Variants in HLCS observed in about 807,000 individuals in gnomAD.
The protein encoded by HLCS is biotin--protein ligase.
In HLCS, 53 loss-of-function variants were observed where a neutral mutation model predicts 75.0. That is an observed-to-expected ratio of 0.71 (90% CI 0.57 to 0.89). The LOEUF is 0.89. Ranked by LOEUF, HLCS falls within the 40% of genes least tolerant of loss-of-function variation. The pLI, the probability that HLCS is intolerant of heterozygous loss-of-function variation, is 0.00. For synonymous variants in HLCS, 431 were observed against 428.6 expected (o/e 1.01, Z -0.07); for missense variants, 966 against 1,074.0 (o/e 0.90, Z 1.41).
At chr21:36,789,958 A>G (rs1207103443) in intron 6 of HLCS, among the ~76,000 whole-genome samples, 13 of 152,226 alleles carry the variant, frequency 8.5e-5, no homozygotes, top group Admixed American at 3.9e-4. Flanking sequence ...AGTGGTATCA[A>G]TGGGTCAAGG....
intron 6 of HLCS, among the ~76,000 whole-genome samples, chr21:36,807,003 T>C (rs180672234): frequency 6.6e-6 from 1 of 152,322 alleles, no homozygotes; most frequent in African/African-American, 2.4e-5. Context: ...TGCTAATCTT[T>C]TGCCATGGGG....
In HLCS at chr21:36,804,746, T is replaced by G. The variant is rs907346380; in HGVS notation, c.1893-37461A>C. On this transcript the variant is annotated intron_variant, in intron 6 of 10. Coordinates refer to ENST00000674895, the MANE Select transcript of HLCS (RefSeq NM_001352514.2). ...TTGTATTTATTTGCTATTTACTAAC[T>G]GCTGCCATAGTAGATGGCGTTTCTA... Among the ~76,000 whole-genome samples the G allele has an allele frequency of 2.6e-5, 4 of 152,360 alleles. No homozygotes were observed. In the East Asian group the frequency reaches 7.7e-4, roughly 29 times the overall value.
At chr21:36,766,225 A>G (rs2090026800) in intron 7 of HLCS, among the ~76,000 whole-genome samples, 1 of 151,440 alleles carries the variant, frequency 6.6e-6, no homozygotes, top group African/African-American at 2.4e-5. Context: ...GGTCTTGCTA[A>G]GTTGTCCCAG....
chr21:36,921,826 C>T (rs866358019), intron 5 of HLCS, among the ~76,000 whole-genome samples: 4 of 152,110 alleles, frequency 2.6e-5, no homozygotes, highest in East Asian at 1.9e-4. Context: ...CTGTGAACCT[C>T]GTGTCAAGGG....
intron 6 of HLCS, among the ~76,000 whole-genome samples, chr21:36,856,286 C>T (rs534239481): frequency 3.9e-5 from 6 of 152,098 alleles, no homozygotes; most frequent in African/African-American, 9.7e-5. Context: ...GGTTGAAAAG[C>T]GCTACTCCAG....
At chr21:36,756,786 G>A in intron 9 of HLCS, 31 bp from the exon 10 acceptor site, 3 of 1,613,426 alleles carry the variant, frequency 1.9e-6, no homozygotes, top group Non-Finnish European at 2.5e-6. Flanking sequence ...GAGCAGCTCA[G>A]CCTGTTGATG....
chr21:36,778,072 C>G (rs1446150230), intron 6 of HLCS, among the ~76,000 whole-genome samples: 1 of 152,008 alleles, frequency 6.6e-6, no homozygotes, highest in Admixed American at 6.5e-5. Flanking sequence ...GGGTTCACAC[C>G]ATTCTCCTGC....
At chr21:36,778,405 G>A (rs896772184) in intron 6 of HLCS, among the ~76,000 whole-genome samples, 4 of 152,002 alleles carry the variant, frequency 2.6e-5, no homozygotes, top group East Asian at 1.9e-4. Context: ...ACAGCCTCCC[G>A]AGTAGCTGGG....
chr21:36,928,127 C>G (rs1453494218), intron 5 of HLCS, among the ~76,000 whole-genome samples: 4 of 152,146 alleles, frequency 2.6e-5, no homozygotes, highest in Non-Finnish European at 5.9e-5. Flanking sequence ...CAGCTGCCTC[C>G]GGAAAGACCA....
At chr21:36,800,740 C>A (rs1162346550) in intron 6 of HLCS, among the ~76,000 whole-genome samples, 1 of 152,166 alleles carries the variant, frequency 6.6e-6, no homozygotes, top group African/African-American at 2.4e-5. Context: ...GTTTGCTTCA[C>A]TTCAAGTAAA....
chr21:36,955,252 C>T (rs551102250), intron 2 of HLCS, among the ~76,000 whole-genome samples: 1 of 152,258 alleles, frequency 6.6e-6, no homozygotes, highest in South Asian at 2.1e-4. Context: ...GCAGCCTAGA[C>T]TAATGTGTGT....
Position 36,835,136 on chromosome 21 carries a change from G to A in HLCS, c.1892+61724C>T, listed in dbSNP as rs536183889. On this transcript the variant is annotated intron_variant, in intron 6 of 10. Transcript: ENST00000674895. Reference sequence around the variant, plus strand: ...GCCATTTCTAGCAGAGCAGGCAACTGCTTCTAAGATTTAAAGTAAATGGGG... The same window carrying A: ...GCCATTTCTAGCAGAGCAGGCAACTACTTCTAAGATTTAAAGTAAATGGGG... Among the ~76,000 whole-genome samples the A allele has an allele frequency of 2.0e-5, 3 of 152,300 alleles. No individual in the cohort carries two copies. In the South Asian group the frequency reaches 6.2e-4, roughly 32 times the overall value.
intron 2 of HLCS, among the ~76,000 whole-genome samples, chr21:36,940,232 C>T (rs558764027): frequency 1.1e-4 from 17 of 152,150 alleles, no homozygotes; most frequent in Non-Finnish European, 2.4e-4. Flanking sequence ...CAGTCTTTTT[C>T]TAAGATGCCA....
chr21:36,864,508 A>G (rs1342042813), intron 6 of HLCS, among the ~76,000 whole-genome samples: 1 of 152,204 alleles, frequency 6.6e-6, no homozygotes, highest in Non-Finnish European at 1.5e-5. Context: ...TCCTGCTTAA[A>G]AGTCTTACTT....
chr21:36,864,395 C>CAA (rs754420645), intron 6 of HLCS, among the ~76,000 whole-genome samples: 5 of 127,278 alleles, frequency 3.9e-5, no homozygotes, highest in African/African-American at 5.7e-5. Context: ...GACTACGTCT[C>CAA]AAAAAAAAAA....
In HLCS at chr21:36,863,921, T is replaced by C. The variant is rs1207186063; in HGVS notation, c.1892+32939A>G. On this transcript the variant is annotated intron_variant, in intron 6 of 10. Coordinates refer to ENST00000674895, the MANE Select transcript of HLCS (RefSeq NM_001352514.2). The stretch of plus-strand genomic sequence containing the variant: ...CCCCTAGTAGAATTACAAAAAAAAC[T>C]ATGAAAGCCCTGCATATTTTTAAGT... Among the ~76,000 whole-genome samples, 3 of 152,154 alleles carry C rather than the reference T, an allele frequency of 2.0e-5. No individual in the cohort carries two copies. In the East Asian group the frequency reaches 5.8e-4, roughly 29 times the overall value.
chr21:36,814,107 C>T (rs1440157873), intron 6 of HLCS, among the ~76,000 whole-genome samples: 1 of 152,112 alleles, frequency 6.6e-6, no homozygotes, highest in Admixed American at 6.5e-5. Flanking sequence ...ATAGAGTTTT[C>T]TCTTGATGGT....
intron 1 of HLCS, among the ~76,000 whole-genome samples, chr21:36,981,548 C>T (rs191839450): frequency 4.6e-5 from 7 of 151,980 alleles, no homozygotes; most frequent in Admixed American, 6.6e-5. Flanking sequence ...TACAGGCGCC[C>T]GCCACCATGT....
intron 6 of HLCS, chr21:36,896,520 G>A (rs1037433063): frequency 4.7e-5 from 17 of 365,046 alleles, no homozygotes; most frequent in Non-Finnish European, 7.8e-5. Flanking sequence ...GATTGTAACT[G>A]CACAAAAGAA....
Sources: allele counts gnomAD v4.1 joint callset (sites outside exome capture counted in the v4.1 genomes callset), GRCh38; gene constraint gnomAD v4.1.1; transcripts MANE v1.5; gene names NCBI Gene and HGNC (gene_info 2026-07-23, HGNC 2026-07-21).